Variants in KLHL32 observed in about 807,000 individuals in gnomAD.
KLHL32 encodes kelch like family member 32.
KLHL32 carries 35 observed loss-of-function variants against 64.8 expected under a neutral mutation model. That is an observed-to-expected ratio of 0.54 (90% CI 0.41 to 0.72). KLHL32 has a LOEUF of 0.72. Ranked by LOEUF, KLHL32 falls within the 30% of genes least tolerant of loss-of-function variation. The pLI is 0.00. For synonymous variants in KLHL32, 259 were observed against 281.0 expected, an observed-to-expected ratio of 0.92 and a Z score of 0.78; for missense variants, 589 against 768.5, an observed-to-expected ratio of 0.77 and a Z score of 2.76.
In KLHL32 at chr6:97,109,946, G is replaced by T. The variant is rs1410262433; in HGVS notation, c.628-3837G>T. On this transcript the variant is annotated intron_variant, in intron 6 of 10. Transcript: ENST00000369261. ...AATTTTTCCCTGGTGCATAAGAAATGACCTTGAGCTGGATGACTTTATCCC... is the reference window on the plus strand; with the variant it reads ...AATTTTTCCCTGGTGCATAAGAAATTACCTTGAGCTGGATGACTTTATCCC... Among the ~76,000 whole-genome samples the T allele has an allele frequency of 2.0e-5, 3 of 152,180 alleles. No homozygotes were observed. The East Asian group carries it at 5.8e-4, about 29-fold the overall frequency.
At chr6:96,994,569 G>A in intron 3 of KLHL32, 1 of 985,410 alleles carries the variant, frequency 1.0e-6, no homozygotes. Flanking sequence ...GCAAGAGTAA[G>A]AAGGCCGAAG....
At chr6:97,014,937 G>T (rs1444941441) in intron 3 of KLHL32, among the ~76,000 whole-genome samples, 1 of 152,178 alleles carries the variant, frequency 6.6e-6, no homozygotes, top group Non-Finnish European at 1.5e-5. Flanking sequence ...TCAGGGGAAG[G>T]ACCTGGTGGG....
At chr6:97,075,638 C>G (rs1245636497) in intron 5 of KLHL32, among the ~76,000 whole-genome samples, 1 of 152,124 alleles carries the variant, frequency 6.6e-6, no homozygotes, top group Non-Finnish European at 1.5e-5. Context: ...GTTCCAAAGG[C>G]CAGACCTTAC....
intron 1 of KLHL32, among the ~76,000 whole-genome samples, chr6:96,960,573 G>A (rs182908913): frequency 6.6e-6 from 1 of 152,284 alleles, no homozygotes; most frequent in East Asian, 1.9e-4. Context: ...ATAATAGCAT[G>A]AATAAACCAG....
chr6:97,012,890 T>C (rs1780594688), intron 3 of KLHL32, among the ~76,000 whole-genome samples: 1 of 152,188 alleles, frequency 6.6e-6, no homozygotes, highest in Non-Finnish European at 1.5e-5. Context: ...TTATTATTGT[T>C]ATTGTTTTGG....
At chr6:96,959,437 G>A (rs1198469899) in intron 1 of KLHL32, among the ~76,000 whole-genome samples, 2 of 152,174 alleles carry the variant, frequency 1.3e-5, no homozygotes, top group African/African-American at 4.8e-5. Flanking sequence ...TGTTAACAGG[G>A]TTGGTTTCTT....
At chr6:96,925,247 A>G (rs1417289767) in intron 1 of KLHL32, among the ~76,000 whole-genome samples, 1 of 152,038 alleles carries the variant, frequency 6.6e-6, no homozygotes, top group East Asian at 1.9e-4. Flanking sequence ...CCTGAGCCCA[A>G]TATGTACTGT....
chr6:97,028,775 GT>G (rs1353415640), intron 3 of KLHL32, among the ~76,000 whole-genome samples: 1 of 152,190 alleles, frequency 6.6e-6, no homozygotes, highest in Non-Finnish European at 1.5e-5. Context: ...TTCAATAATG[GT>G]TTAGCAAATG....
chr6:97,034,978 T>C (rs1449344468), intron 3 of KLHL32, among the ~76,000 whole-genome samples: 1 of 152,034 alleles, frequency 6.6e-6, no homozygotes, highest in Non-Finnish European at 1.5e-5. Flanking sequence ...ATTTGGATGC[T>C]TTTTATTTCT....
At chr6:97,055,562 C>T (rs953896975) in intron 4 of KLHL32, among the ~76,000 whole-genome samples, 2 of 152,026 alleles carry the variant, frequency 1.3e-5, no homozygotes, top group African/African-American at 4.8e-5. Flanking sequence ...CTTTGGGAGG[C>T]CAACGCAGGT....
In KLHL32 at chr6:97,013,881, G is replaced by T. The variant is rs530861339; in HGVS notation, c.205-27611G>T. Among the ~76,000 whole-genome samples the T allele has an allele frequency of 2.9e-4, 44 of 152,136 alleles. No individual in the cohort carries two copies. In the East Asian group the frequency reaches 2.9e-3, roughly 10 times the overall value. ...TGCCACAAACAATATTTGTCAAAAG[G>T]GATAAATGCTCATTTTATAAATTTG... On this transcript the variant is annotated intron_variant, in intron 3 of 10. Transcript: ENST00000369261.
intron 6 of KLHL32, among the ~76,000 whole-genome samples, chr6:97,090,412 T>TG (rs1173290872): frequency 2.6e-5 from 4 of 152,202 alleles, no homozygotes; most frequent in Non-Finnish European, 4.4e-5. Context: ...TCAAATGCAG[T>TG]GGTTTTTTTG....
At chr6:96,915,496 C>T in the KLHL32 span, among the ~76,000 whole-genome samples, 106 of 152,288 alleles carry the variant, frequency 7.0e-4, no homozygotes, top group Non-Finnish European at 1.4e-3. Flanking sequence ...AATAGTGTGG[C>T]TGTCTTCTTT....
In KLHL32 at chr6:97,140,367, A is replaced by G. The variant is rs1033170478; in HGVS notation, c.*1085A>G. 8 of 152,056 alleles carry G rather than the reference A, an allele frequency of 5.3e-5. No homozygotes were observed. Among genetic ancestry groups the G allele is most frequent in the African/African-American group, 1.4e-4 (6 of 41,446 alleles). 9.4% of individuals were successfully genotyped at this position (152,056 alleles called of 1,614,324 possible). A position where few individuals can be genotyped will look rare whatever the true frequency, so the allele number is the denominator to read the frequency against. ...ACCTAGAATTGGCAGTTCTAATAAAAGTTTTTCCACTTTGTTAAAGGTTAT... is the reference window on the plus strand; with the variant it reads ...ACCTAGAATTGGCAGTTCTAATAAAGGTTTTTCCACTTTGTTAAAGGTTAT... On this transcript the variant is annotated 3_prime_UTR_variant, in exon 11 of 11. Coordinates refer to ENST00000369261, the MANE Select transcript of KLHL32 (RefSeq NM_052904.4).
intron 3 of KLHL32, among the ~76,000 whole-genome samples, chr6:97,032,208 A>G (rs1783662981): frequency 1.3e-5 from 2 of 152,238 alleles, no homozygotes; most frequent in Admixed American, 1.3e-4. Flanking sequence ...TACATAAGTA[A>G]TACATGTTCA....
chr6:96,903,902 AATGTT>A, the KLHL32 span, among the ~76,000 whole-genome samples: 3 of 152,212 alleles, frequency 2.0e-5, no homozygotes, highest in Admixed American at 6.5e-5. Context: ...AAGAATTATA[AATGTT>A]ATGTTATTTG....
At chr6:97,138,819 C>T (rs1039036884) in intron 10 of KLHL32, among the ~76,000 whole-genome samples, 2 of 152,170 alleles carry the variant, frequency 1.3e-5, no homozygotes, top group Admixed American at 1.3e-4. Flanking sequence ...AGTTATTTAA[C>T]TTGTCTAAGG....
intron 5 of KLHL32, 104 bp from the exon 6 acceptor site, chr6:97,085,022 C>T (rs1178907950): frequency 7.8e-6 from 7 of 893,452 alleles, no homozygotes; most frequent in African/African-American, 1.7e-5. Context: ...ATTTCTCCCA[C>T]CACTGTGATG....
At chr6:96,945,155 T>A (rs1301233658) in intron 1 of KLHL32, among the ~76,000 whole-genome samples, 1 of 152,246 alleles carries the variant, frequency 6.6e-6, no homozygotes, top group Non-Finnish European at 1.5e-5. Flanking sequence ...CTTCCATTAC[T>A]TAATTTTTAT....
Sources: allele counts gnomAD v4.1 joint callset (sites outside exome capture counted in the v4.1 genomes callset), GRCh38; gene constraint gnomAD v4.1.1; transcripts MANE v1.5; gene names NCBI Gene and HGNC (gene_info 2026-07-23, HGNC 2026-07-21).